The following SLC22A23 variants were observed in gnomAD, a reference collection of about 807,000 sequenced individuals.
The protein encoded by SLC22A23 is ion transporter protein.
A neutral mutation model predicts 61.0 loss-of-function variants in SLC22A23; 26 were observed. The observed-to-expected ratio is 0.43, with a 90% CI of 0.31 to 0.59. The LOEUF is 0.59. SLC22A23 is among the 20% of genes least tolerant of loss of function. The probability of loss-of-function intolerance (pLI) is 0.11; values close to 1 mark genes in which losing one functional copy is unlikely to be tolerated. For missense variants in SLC22A23, 796 were observed against 934.7 expected (o/e 0.85, Z 1.94); for synonymous variants, 430 against 413.9 (o/e 1.04, Z -0.47).
intron 1 of SLC22A23, among the ~76,000 whole-genome samples, chr6:3,436,639 C>T (rs964156604): frequency 1.7e-4 from 26 of 152,130 alleles, no homozygotes; most frequent in Non-Finnish European, 2.4e-4. Context: ...CTCCATGCAC[C>T]GTGCACCGCT....
chr6:3,375,818 G>A (rs1766526997), intron 3 of SLC22A23, among the ~76,000 whole-genome samples: 1 of 152,138 alleles, frequency 6.6e-6, no homozygotes, highest in Admixed American at 6.5e-5. Context: ...AAAGATCCAG[G>A]TACAAATATC....
At chr6:3,401,388 T>G (rs1339895052) in intron 3 of SLC22A23, among the ~76,000 whole-genome samples, 1 of 151,880 alleles carries the variant, frequency 6.6e-6, no homozygotes, top group East Asian at 1.9e-4. Context: ...AAGGCTGAAA[T>G]GGTAAACTGT....
At chr6:3,448,674 T>A (rs948783742) in intron 1 of SLC22A23, among the ~76,000 whole-genome samples, 6 of 152,216 alleles carry the variant, frequency 3.9e-5, no homozygotes, top group African/African-American at 1.4e-4. Context: ...TTTTGTATGT[T>A]TAGTAGAGAC....
At position 3,273,202 on chromosome 6, in the gene SLC22A23, G is replaced by A. The variant is rs146967122; in HGVS notation, c.1914C>T (p.Arg638=). 22 of 1,613,160 alleles carry A rather than the reference G, an allele frequency of 1.4e-5. No individual in the cohort carries two copies. The highest frequency in any genetic ancestry group is 1.5e-5 in the Non-Finnish European group (18 of 1,179,790). The change falls in exon 10 of 10, where the codon CGC becomes CGT. Residue 638 remains arginine, a synonymous_variant. Transcript: ENST00000406686. ...ENISNGEHYT[R]QPLLPHKKGE... ...CCTTCTTGTGCGGCAGCAGCGGCTGGCGCGTGTAGTGCTCCCCGTTAGAAA... is the reference window on the plus strand; with the variant it reads ...CCTTCTTGTGCGGCAGCAGCGGCTGACGCGTGTAGTGCTCCCCGTTAGAAA...
intron 4 of SLC22A23, among the ~76,000 whole-genome samples, chr6:3,301,475 T>C (rs1438485907): frequency 6.6e-6 from 1 of 152,250 alleles, no homozygotes; most frequent in Non-Finnish European, 1.5e-5. Flanking sequence ...CTCTACAGTT[T>C]TGAAATACGG....
At chr6:3,295,665 CTG>C (rs1446822348) in intron 5 of SLC22A23, among the ~76,000 whole-genome samples, 1 of 152,198 alleles carries the variant, frequency 6.6e-6, no homozygotes, top group Non-Finnish European at 1.5e-5. Flanking sequence ...ATGCAGAAAA[CTG>C]AGCCTGGGCA....
rs924247884 is a variant in SLC22A23, at chr6:3,271,726, G to A, written c.*1329C>T. The A allele has an allele frequency of 1.3e-5, 2 of 152,290 alleles. No homozygotes were observed. Among genetic ancestry groups the A allele is most frequent in the African/African-American group, 4.8e-5 (2 of 41,388 alleles). 9.4% of individuals were successfully genotyped at this position (152,290 alleles called of 1,614,324 possible). ...AGGCTGTCTCTTAGTCGCCTTGGGT[G>A]TCCTACAAGTTTCCTCCGAAAATGC... is the stretch of plus-strand genomic sequence containing the variant. On this transcript the variant is annotated 3_prime_UTR_variant, in exon 10 of 10. Transcript: ENST00000406686.
At chr6:3,352,806 T>C (rs758143469) in intron 3 of SLC22A23, among the ~76,000 whole-genome samples, 8 of 152,144 alleles carry the variant, frequency 5.3e-5, no homozygotes, top group African/African-American at 1.2e-4. Flanking sequence ...GAAAAGCACA[T>C]AGTGCAAACC....
chr6:3,340,378 A>G (rs1209607458), intron 3 of SLC22A23, among the ~76,000 whole-genome samples: 1 of 152,214 alleles, frequency 6.6e-6, no homozygotes, highest in East Asian at 1.9e-4. Flanking sequence ...TTAGTATAAT[A>G]ATTCAGGGAC....
chr6:3,428,363 T>C (rs1003611077), intron 1 of SLC22A23, among the ~76,000 whole-genome samples: 5 of 152,170 alleles, frequency 3.3e-5, no homozygotes, highest in African/African-American at 1.2e-4. Flanking sequence ...CTGTTACTTG[T>C]GGAGTTGGAA....
intron 1 of SLC22A23, among the ~76,000 whole-genome samples, chr6:3,453,643 A>G (rs1394059376): frequency 6.6e-6 from 1 of 152,152 alleles, no homozygotes; most frequent in African/African-American, 2.4e-5. Flanking sequence ...TGGTGCATAT[A>G]TTGTAGGGCA....
At chr6:3,320,092 G>A (rs1318628712) in intron 4 of SLC22A23, among the ~76,000 whole-genome samples, 3 of 152,096 alleles carry the variant, frequency 2.0e-5, no homozygotes, top group African/African-American at 7.2e-5. Flanking sequence ...TCTAGCCCCC[G>A]GGCAGGTGTT....
chr6:3,391,847 C>A (rs1767678742), intron 3 of SLC22A23, among the ~76,000 whole-genome samples: 1 of 151,812 alleles, frequency 6.6e-6, no homozygotes, highest in Non-Finnish European at 1.5e-5. Context: ...AGTGACAAGA[C>A]CGGACCAGGC....
intron 5 of SLC22A23, among the ~76,000 whole-genome samples, chr6:3,294,970 C>T (rs1049956527): frequency 3.9e-5 from 6 of 152,216 alleles, no homozygotes; most frequent in Admixed American, 6.5e-5. Context: ...AGGCCCGAGA[C>T]GCTTACTTAC....
chr6:3,300,743 A>G (rs939173994), intron 4 of SLC22A23, among the ~76,000 whole-genome samples: 1 of 152,250 alleles, frequency 6.6e-6, no homozygotes, highest in Non-Finnish European at 1.5e-5. Context: ...CCTATTTGAA[A>G]AAAGTCCAAA....
Position 3,456,758 on chromosome 6 carries a change from G to C in SLC22A23, c.-199C>G, listed in dbSNP as rs1209628138. 1 of 191,976 alleles carries C rather than the reference G, an allele frequency of 5.2e-6. No homozygotes were observed. The highest frequency in any genetic ancestry group is 6.8e-5 in the Admixed American group (1 of 14,794). The allele number at this position is 191,976 out of a possible 1,614,324, so 11.9% of individuals were successfully genotyped here. A position where few individuals can be genotyped will look rare whatever the true frequency, so the allele number is the denominator to read the frequency against. ...CGCCGGACCCCGCGCCCCGGGCGCT[G>C]CGGCCCCGCTCGGGCGCCGGGCAGA... On this transcript the variant is annotated 5_prime_UTR_variant, in exon 1 of 10. Transcript: ENST00000406686. The surrounding 1 kb of genome is among the most constrained non-coding windows in gnomAD (Gnocchi z 7.1).
At chr6:3,364,310 C>T (rs1765667100) in intron 3 of SLC22A23, among the ~76,000 whole-genome samples, 1 of 152,120 alleles carries the variant, frequency 6.6e-6, no homozygotes, top group Non-Finnish European at 1.5e-5. Flanking sequence ...AGGCACAATT[C>T]CCATGTTACA....
intron 3 of SLC22A23, among the ~76,000 whole-genome samples, chr6:3,375,118 T>C (rs1269093893): frequency 6.6e-6 from 1 of 151,980 alleles, no homozygotes; most frequent in Non-Finnish European, 1.5e-5. Flanking sequence ...AAAACAGTCA[T>C]CTCAATAGCG....
rs1244355566 is a variant in SLC22A23 at position 3,270,283 on chromosome 6, ACGGT to A, written c.*2768_*2771del. ...GCACAGAGGGGTTCAAGCGTGACAGACGGTGCTGGGAAGTGGGCAGCCGTAGCAG... is the reference window on the plus strand; with the variant it reads ...GCACAGAGGGGTTCAAGCGTGACAGAGCTGGGAAGTGGGCAGCCGTAGCAG... On this transcript the variant is annotated 3_prime_UTR_variant, in exon 10 of 10. Coordinates refer to ENST00000406686, the MANE Select transcript of SLC22A23 (RefSeq NM_015482.2). The A allele has an allele frequency of 6.6e-6, 1 of 152,352 alleles. No individual in the cohort carries two copies. Among genetic ancestry groups the A allele is most frequent in the Non-Finnish European group, 1.5e-5 (1 of 68,068 alleles). 9.4% of individuals were successfully genotyped at this position (152,352 alleles called of 1,614,324 possible).
Sources: allele counts gnomAD v4.1 joint callset (sites outside exome capture counted in the v4.1 genomes callset), GRCh38; gene constraint gnomAD v4.1.1; non-coding constraint Gnocchi (gnomAD v3.1); transcripts MANE v1.5; gene names NCBI Gene and HGNC (gene_info 2026-07-23, HGNC 2026-07-21).